TRHDE: variants seen among roughly 807,000 people sequenced by gnomAD.
The protein encoded by TRHDE is thyrotropin releasing hormone degrading enzyme, also known as thyrotropin-releasing hormone-degrading ectoenzyme.
A neutral mutation model predicts 125.7 loss-of-function variants in TRHDE; 72 were observed. That is an observed-to-expected ratio of 0.57 (90% CI 0.47 to 0.70). The LOEUF is 0.70. Among genes scored for constraint, TRHDE ranks in the 30% least tolerant of loss-of-function variants. The pLI is 0.00. For synonymous variants in TRHDE, 509 were observed against 509.1 expected (o/e 1.00, Z 0.00); for missense variants, 1,110 against 1,327.1 (o/e 0.84, Z 2.54).
intron 2 of TRHDE, among the ~76,000 whole-genome samples, chr12:72,170,446 G>C (rs1876846178): frequency 6.6e-6 from 1 of 152,166 alleles, no homozygotes; most frequent in African/African-American, 2.4e-5. Flanking sequence ...TGTGGGAACA[G>C]CTGACTATCA....
chr12:72,227,268 A>G (rs1878151006), intron 2 of TRHDE, among the ~76,000 whole-genome samples: 1 of 152,222 alleles, frequency 6.6e-6, no homozygotes, highest in East Asian at 1.9e-4. Flanking sequence ...TAATGGACTC[A>G]TAGTTCCACA....
At chr12:72,451,845 T>C (rs1875590257) in intron 3 of TRHDE, among the ~76,000 whole-genome samples, 1 of 152,214 alleles carries the variant, frequency 6.6e-6, no homozygotes, top group African/African-American at 2.4e-5. Context: ...GTTTTGTTTT[T>C]CGAGATGGCA....
chr12:72,431,642 GTT>G (rs112894989), intron 3 of TRHDE: 7 of 145,590 alleles, frequency 4.8e-5, no homozygotes, highest in African/African-American at 1.2e-4. Context: ...GGAAGAAGAG[GTT>G]TTTTTTTTTT....
intron 15 of TRHDE, among the ~76,000 whole-genome samples, chr12:72,642,420 G>T (rs1874102945): frequency 1.3e-5 from 2 of 152,098 alleles, no homozygotes; most frequent in Non-Finnish European, 2.9e-5. Context: ...ATCGTACAAA[G>T]AACTCTGTCA....
chr12:72,143,621 G>A (rs754906357), intron 2 of TRHDE, among the ~76,000 whole-genome samples: 4 of 152,020 alleles, frequency 2.6e-5, no homozygotes, highest in Non-Finnish European at 5.9e-5. Context: ...GACTAAGTAG[G>A]CCTCTGTCTC....
intron 15 of TRHDE, among the ~76,000 whole-genome samples, chr12:72,644,349 G>T (rs1258542926): frequency 6.6e-6 from 1 of 151,906 alleles, no homozygotes; most frequent in East Asian, 1.9e-4. Context: ...CCAGAAGACT[G>T]GCTTCTGTCT....
At chr12:72,556,359 A>G (rs1869922033) in intron 7 of TRHDE, among the ~76,000 whole-genome samples, 1 of 152,184 alleles carries the variant, frequency 6.6e-6, no homozygotes, top group South Asian at 2.1e-4. Flanking sequence ...AATCATTGGG[A>G]AGGATGAAGA....
At chr12:72,454,687 C>A (rs1258168913) in intron 3 of TRHDE, among the ~76,000 whole-genome samples, 1 of 152,190 alleles carries the variant, frequency 6.6e-6, no homozygotes. Flanking sequence ...GATTCCCAAA[C>A]TTTAATGTAC....
At chr12:72,444,268 C>T (rs1875166220) in intron 3 of TRHDE, among the ~76,000 whole-genome samples, 1 of 151,844 alleles carries the variant, frequency 6.6e-6, no homozygotes, top group African/African-American at 2.4e-5. Context: ...TTGTAACCCC[C>T]AATCTTGGCA....
At chr12:72,639,644 T>C (rs1323816207) in intron 15 of TRHDE, among the ~76,000 whole-genome samples, 1 of 151,742 alleles carries the variant, frequency 6.6e-6, no homozygotes, top group Non-Finnish European at 1.5e-5. Context: ...TATCTACTTT[T>C]GGTCTTTGAT....
intron 2 of TRHDE, among the ~76,000 whole-genome samples, chr12:72,368,812 C>A (rs1048044431): frequency 6.6e-6 from 1 of 152,158 alleles, no homozygotes; most frequent in Non-Finnish European, 1.5e-5. Context: ...ATCTGAAGTT[C>A]TCTTCCATTT....
intron 2 of TRHDE, among the ~76,000 whole-genome samples, chr12:72,130,667 G>A (rs1459943992): frequency 6.6e-6 from 1 of 152,138 alleles, no homozygotes; most frequent in Admixed American, 6.5e-5. Flanking sequence ...CACCACAATG[G>A]ATGAAATACT....
intron 2 of TRHDE, among the ~76,000 whole-genome samples, chr12:72,153,991 TG>T (rs1442803030): frequency 6.6e-6 from 1 of 152,216 alleles, no homozygotes; most frequent in Non-Finnish European, 1.5e-5. Flanking sequence ...ATGTTGACAG[TG>T]GGGTGTTAAA....
chr12:72,453,957 C>G (rs982116656), intron 3 of TRHDE, among the ~76,000 whole-genome samples: 7 of 152,196 alleles, frequency 4.6e-5, no homozygotes, highest in African/African-American at 1.7e-4. Flanking sequence ...TGTCATAAAG[C>G]TTCCAAGAAT....
chr12:72,598,224 C>T (rs1189598456), intron 12 of TRHDE, among the ~76,000 whole-genome samples: 1 of 152,104 alleles, frequency 6.6e-6, no homozygotes, highest in Non-Finnish European at 1.5e-5. Flanking sequence ...TAGAATCAGT[C>T]ACCTTTATTC....
At chr12:72,230,487 A>T (rs1268156773) in intron 2 of TRHDE, among the ~76,000 whole-genome samples, 2 of 152,080 alleles carry the variant, frequency 1.3e-5, no homozygotes, top group Non-Finnish European at 2.9e-5. Flanking sequence ...ATGGAAATTC[A>T]CTCTGTCAAA....
intron 3 of TRHDE, among the ~76,000 whole-genome samples, chr12:72,401,428 G>A (rs2135803143): frequency 6.6e-6 from 1 of 152,224 alleles, no homozygotes. Flanking sequence ...CACATTTGAA[G>A]CAAGTGGAAA....
chr12:72,130,222 G>GA (rs1349074587), intron 2 of TRHDE, among the ~76,000 whole-genome samples: 7 of 152,160 alleles, frequency 4.6e-5, no homozygotes, highest in Non-Finnish European at 1.0e-4. Flanking sequence ...AGAATTGCTT[G>GA]AACCCGGGAG....
chr12:72,154,757 A>T (rs2139323970), intron 2 of TRHDE, among the ~76,000 whole-genome samples: 1 of 152,334 alleles, frequency 6.6e-6, no homozygotes, highest in East Asian at 1.9e-4. Context: ...TTCTTCTGAG[A>T]GATCAGCTGT....
Sources: gnomAD v4.1 joint callset for allele counts (sites outside exome capture counted in the v4.1 genomes callset) on GRCh38, gnomAD v4.1.1 for gene constraint, MANE v1.5 for transcripts, NCBI Gene and HGNC (gene_info 2026-07-23, HGNC 2026-07-21) for gene names.